Variants in INTS7 observed in about 807,000 individuals in gnomAD.
The protein encoded by INTS7 is chromosome 1 open reading frame 73.
In INTS7, 46 loss-of-function variants were observed where a neutral mutation model predicts 109.2. That is an observed-to-expected ratio of 0.42 (90% confidence interval 0.33 to 0.54). The LOEUF (loss-of-function observed/expected upper bound fraction) is 0.54, where lower values mean the gene tolerates loss of function less well. Ranked by LOEUF, INTS7 falls within the 20% of genes least tolerant of loss-of-function variation. The pLI is 0.07. For synonymous variants in INTS7, 412 were observed against 402.9 expected (o/e 1.02, Z -0.27); for missense variants, 929 against 1,132.4 (o/e 0.82, Z 2.58).
chr1:211,993,908 G>C (rs1665254994), intron 7 of INTS7, among the ~76,000 whole-genome samples: 1 of 151,950 alleles, frequency 6.6e-6, no homozygotes, highest in African/African-American at 2.4e-5. Context: ...GGTTTTTAAA[G>C]GTATACAGAA....
At chr1:212,008,989 C>T (rs1217228123) in intron 5 of INTS7, among the ~76,000 whole-genome samples, 1 of 152,160 alleles carries the variant, frequency 6.6e-6, no homozygotes. Flanking sequence ...ACTCTTATAT[C>T]CCCCTCTTTC....
chr1:212,004,378 A>G (rs1329602760), intron 7 of INTS7, among the ~76,000 whole-genome samples: 1 of 152,198 alleles, frequency 6.6e-6, no homozygotes, highest in Non-Finnish European at 1.5e-5. Flanking sequence ...AATGCTGTTT[A>G]TAAGAAACAT....
intron 17 of INTS7, among the ~76,000 whole-genome samples, chr1:211,950,777 C>T (rs116989559): frequency 6.6e-6 from 1 of 152,190 alleles, no homozygotes; most frequent in East Asian, 1.9e-4. Flanking sequence ...GCCTAGGGCC[C>T]TTTTCTCTGT....
intron 17 of INTS7, among the ~76,000 whole-genome samples, chr1:211,950,594 C>T (rs575594385): frequency 3.3e-5 from 5 of 152,328 alleles, no homozygotes; most frequent in African/African-American, 9.6e-5. Flanking sequence ...TTATTAACCA[C>T]TCCCTATATG....
chr1:211,997,890 A>C (rs561081050), intron 7 of INTS7, among the ~76,000 whole-genome samples: 20 of 152,186 alleles, frequency 1.3e-4, no homozygotes, highest in African/African-American at 4.8e-4. Context: ...AAAAAAAAAA[A>C]AAACCACAAT....
chr1:211,968,168 T>C (rs1323777716), intron 14 of INTS7, among the ~76,000 whole-genome samples, 187 bp from the exon 15 acceptor site: 1 of 152,194 alleles, frequency 6.6e-6, no homozygotes, highest in African/African-American at 2.4e-5. Context: ...CAAATGAAAC[T>C]ATACATGTTC....
At chr1:211,998,574 A>G (rs1665515412) in intron 7 of INTS7, among the ~76,000 whole-genome samples, 2 of 152,224 alleles carry the variant, frequency 1.3e-5, no homozygotes, top group Admixed American at 1.3e-4. Context: ...ACAGGGCTAT[A>G]TATAAAACTT....
intron 1 of INTS7, among the ~76,000 whole-genome samples, chr1:212,035,115 C>T (rs923621929): frequency 2.6e-5 from 4 of 152,218 alleles, no homozygotes; most frequent in African/African-American, 7.2e-5. Context: ...GGGCCTCTCA[C>T]TAGAGCTCGC....
At chr1:212,010,808 T>C (rs115688507) in intron 5 of INTS7, among the ~76,000 whole-genome samples, 3,972 of 152,300 alleles carry the variant, frequency 0.026, 58 homozygotes, top group African/African-American at 0.046. Context: ...AAGTGTACAG[T>C]TGGCTATACC....
Position 211,981,189 on chromosome 1 carries a change from AT to A in INTS7, c.1133del (p.Asp378ValfsTer32). On this transcript the variant is annotated frameshift_variant and splice_region_variant, in exon 10 of 20. Coordinates refer to ENST00000366994, the MANE Select transcript of INTS7 (RefSeq NM_015434.4). LOFTEE classifies it high-confidence loss of function. The part of the protein sequence containing the change: ...TNITVSCQEK[D>X]LLALEQDAVF... ...CAGCATCTTGTTCCAGTGCCAAAAG[AT>A]CTAGAAGAAAAACAGTAAACTTTAT... 1 of 1,604,924 alleles carries A rather than the reference AT, an allele frequency of 6.2e-7. No individual in the cohort carries two copies. The highest frequency in any genetic ancestry group is 8.5e-7 in the Non-Finnish European group (1 of 1,171,850).
At chr1:211,983,009 T>C (rs1349530705) in intron 8 of INTS7, among the ~76,000 whole-genome samples, 199 bp from the exon 9 acceptor site, 2 of 152,112 alleles carry the variant, frequency 1.3e-5, no homozygotes, top group African/African-American at 4.8e-5. Context: ...GTGCCAACAG[T>C]TTCGTAATGA....
At chr1:211,947,223 G>A (rs914374579) in intron 17 of INTS7, among the ~76,000 whole-genome samples, 4 of 152,098 alleles carry the variant, frequency 2.6e-5, no homozygotes, top group African/African-American at 4.8e-5. Context: ...CTATATAGTC[G>A]GGGAATCCTG....
intron 16 of INTS7, among the ~76,000 whole-genome samples, chr1:211,956,504 G>T (rs1663368468): frequency 6.6e-6 from 1 of 152,028 alleles, no homozygotes; most frequent in Non-Finnish European, 1.5e-5. Flanking sequence ...AATTTGTCCT[G>T]TTCACCTAAG....
At position 211,978,361 on chromosome 1, in the gene INTS7, G is replaced by A. The variant is rs1664507781; in HGVS notation, c.1381C>T (p.Pro461Ser). 3 of 1,614,148 alleles carry A rather than the reference G, an allele frequency of 1.9e-6. No individual in the cohort carries two copies. The highest frequency in any genetic ancestry group is 2.5e-6 in the Non-Finnish European group (3 of 1,180,014). ...CCAAGCATCCCATCACCCAGCACCG[G>A]CAGTTGCATGGCAATGGCTGCCAGG... Reference protein sequence around the residue: ...HCLAAIAMQLPVLGDGMLGDL... With the variant: ...HCLAAIAMQLSVLGDGMLGDL... The change falls in exon 11 of 20, where the codon CCG (proline) becomes TCG (serine). Residue 461 changes from proline (P) to serine (S), a missense_variant. Coordinates refer to ENST00000366994, the MANE Select transcript of INTS7 (RefSeq NM_015434.4).
chr1:211,941,995 C>T lies in INTS7; in HGVS notation c.2718G>A (p.Val906=). The T allele has an allele frequency of 1.9e-6, 3 of 1,614,108 alleles. No individual in the cohort carries two copies. Among genetic ancestry groups the T allele is most frequent in the Non-Finnish European group, 2.5e-6 (3 of 1,180,026 alleles). Residue 906 remains valine, a synonymous_variant, in exon 20 of 20, where the codon GTG becomes GTA. Transcript: ENST00000366994. Reference sequence around the variant, plus strand: ...CATTGGCATCTTTCACAGAAGATTCCACTGTAATGTTGTGTGTTCCAAGGA... The same window carrying T: ...CATTGGCATCTTTCACAGAAGATTCTACTGTAATGTTGTGTGTTCCAAGGA... ...FAILGTHNIT[V]ESSVKDANGI...
chr1:211,998,827 AC>A (rs1266768943), intron 7 of INTS7, among the ~76,000 whole-genome samples: 2 of 152,142 alleles, frequency 1.3e-5, no homozygotes, highest in African/African-American at 4.8e-5. Flanking sequence ...AGACAAAAAA[AC>A]CTAATAAAAA....
chr1:211,969,920 G>C (rs960983608), intron 13 of INTS7, among the ~76,000 whole-genome samples: 1 of 151,722 alleles, frequency 6.6e-6, no homozygotes, highest in Admixed American at 6.6e-5. Flanking sequence ...GGGTTTCACC[G>C]TGTTAACCAG....
At chr1:211,969,220 G>C (rs1664049315) in intron 13 of INTS7, among the ~76,000 whole-genome samples, 1 of 151,460 alleles carries the variant, frequency 6.6e-6, no homozygotes, top group Non-Finnish European at 1.5e-5. Context: ...GGGAGGCGGA[G>C]TCTGCTGTGA....
At chr1:211,993,595 G>T (rs1436401344) in intron 7 of INTS7, among the ~76,000 whole-genome samples, 1 of 149,794 alleles carries the variant, frequency 6.7e-6, no homozygotes, top group Admixed American at 6.7e-5. Flanking sequence ...CAGGAGAATC[G>T]CTTGAACCCA....
Sources: gnomAD v4.1 joint callset for allele counts (sites outside exome capture counted in the v4.1 genomes callset) on GRCh38, gnomAD v4.1.1 for gene constraint, MANE v1.5 for transcripts, NCBI Gene and HGNC (gene_info 2026-07-23, HGNC 2026-07-21) for gene names.